The following ITGAL variants were observed in gnomAD, a reference collection of about 807,000 sequenced individuals.
ITGAL encodes integrin subunit alpha L, also known as integrin alpha-L.
ITGAL carries 68 observed loss-of-function variants against 138.4 expected under a neutral mutation model. The observed-to-expected ratio is 0.49, with a 90% CI of 0.40 to 0.60. ITGAL has a LOEUF of 0.60. Among genes scored for constraint, ITGAL ranks in the 20% least tolerant of loss-of-function variants. ITGAL has a pLI of 0.00. For synonymous variants in ITGAL, 561 were observed against 584.3 expected (o/e 0.96, Z 0.57); for missense variants, 1,256 against 1,478.6 (o/e 0.85, Z 2.47).
intron 7 of ITGAL, among the ~76,000 whole-genome samples, chr16:30,482,232 C>A (rs977075034): frequency 3.9e-5 from 6 of 152,036 alleles, no homozygotes; most frequent in Non-Finnish European, 8.8e-5. Flanking sequence ...GAGCTATGAT[C>A]ACACCATTGC....
rs906274297 is a variant in ITGAL, at chr16:30,521,365, C to T, written c.3340-127C>T. On this transcript the variant is annotated intron_variant, in intron 30 of 30. Transcript: ENST00000356798. ...GAGGTTGCAGTGAGCCGAGATCGCA[C>T]CACTGCACTCCAGCCTGGGCAACAC... 1.7e-4 allele frequency: 126 copies of T among 728,958 alleles called. 2 individuals carry two copies. The highest frequency in any genetic ancestry group is 3.3e-5 in the Non-Finnish European group (15 of 451,732). The allele number at this position is 728,958 out of a possible 1,614,324, so 45.2% of individuals were successfully genotyped here. A position where few individuals can be genotyped will look rare whatever the true frequency, so the allele number is the denominator to read the frequency against.
At chr16:30,521,463 T>C in intron 30 of ITGAL, 29 bp from the exon 31 acceptor site, 1 of 1,599,762 alleles carries the variant, frequency 6.3e-7, no homozygotes, top group Non-Finnish European at 8.5e-7. Context: ...AGTGAATTCT[T>C]TGCTCGTTCA....
intron 7 of ITGAL, chr16:30,483,343 G>C (rs2050586739): frequency 1.3e-5 from 2 of 153,566 alleles, no homozygotes; most frequent in African/African-American, 2.4e-5. Flanking sequence ...TAATTCACTA[G>C]GTTCACTGCT....
chr16:30,501,957 CA>C (rs2050906139), intron 17 of ITGAL, among the ~76,000 whole-genome samples: 1 of 151,930 alleles, frequency 6.6e-6, no homozygotes, highest in African/African-American at 2.4e-5. Context: ...TGCTTGAACC[CA>C]GGAGGTGGAG....
In ITGAL at chr16:30,494,964, C is replaced by T. The variant is rs1023160295; in HGVS notation, c.1503+114C>T. ...TCACGTGGCGATCAAACTTTTAGAA[C>T]GACAGAGAGGCAATAGCAAATCCTC... On this transcript the variant is annotated intron_variant, in intron 13 of 30. Coordinates refer to ENST00000356798, the MANE Select transcript of ITGAL (RefSeq NM_002209.3). This position sits in a 1 kb window ranked among gnomAD's most constrained non-coding sequence, Gnocchi z 4.2. The T allele has an allele frequency of 1.9e-5, 22 of 1,161,740 alleles. No homozygotes were observed. Among genetic ancestry groups the T allele is most frequent in the South Asian group, 1.0e-4 (6 of 59,050 alleles). 72.0% of individuals were successfully genotyped at this position (1,161,740 alleles called of 1,614,324 possible). A position where few individuals can be genotyped will look rare whatever the true frequency, so the allele number is the denominator to read the frequency against.
chr16:30,481,015 T>A, intron 6 of ITGAL: 1 of 172,940 alleles, frequency 5.8e-6, no homozygotes, highest in Non-Finnish European at 1.2e-5. Flanking sequence ...AGAAGTAGAG[T>A]TTGGGGCTGG....
At chr16:30,507,689 G>T (rs1374321693) in intron 21 of ITGAL, among the ~76,000 whole-genome samples, 1 of 151,532 alleles carries the variant, frequency 6.6e-6, no homozygotes, top group Non-Finnish European at 1.5e-5. Flanking sequence ...GTCTCACTAT[G>T]TTCCCCAGGC....
At position 30,475,522 on chromosome 16, in the gene ITGAL, A is replaced by G; in HGVS notation, c.269A>G (p.Tyr90Cys). The change falls in exon 4 of 31, where the codon TAT (tyrosine) becomes TGT (cysteine). Residue 90 changes from tyrosine (Y) to cysteine (C), a missense_variant. Physicochemically the swap from Tyr to Cys is radical, Grantham distance 194. Around this residue, in one of 3 missense-constraint regions of ITGAL, gnomAD observed 212 missense variants for 217.4 expected, o/e 0.98. Transcript: ENST00000356798. Reference protein sequence around the residue: ...CLPVTLRGSNYTSKYLGMTLA... With the variant: ...CLPVTLRGSNCTSKYLGMTLA... ...CTTCTGGTGCCTACAGGTTCCAACT[A>G]TACCTCCAAGTACTTGGGAATGACC... The G allele has an allele frequency of 6.2e-7, 1 of 1,613,966 alleles. No homozygotes were observed.
chr16:30,476,890 T>C (rs2050479870), intron 4 of ITGAL, among the ~76,000 whole-genome samples: 1 of 152,162 alleles, frequency 6.6e-6, no homozygotes, highest in South Asian at 2.1e-4. Flanking sequence ...CGCCTCGGCC[T>C]CCCAAAATGC....
chr16:30,493,764 C>T (rs368828192), intron 11 of ITGAL, among the ~76,000 whole-genome samples: 18 of 152,020 alleles, frequency 1.2e-4, no homozygotes, highest in African/African-American at 2.4e-4. Context: ...GGTGGCTGGG[C>T]GCCTGTAATC....
chr16:30,483,436 C>T (rs970225686), intron 7 of ITGAL, among the ~76,000 whole-genome samples: 4 of 152,158 alleles, frequency 2.6e-5, no homozygotes, highest in Admixed American at 6.6e-5. Flanking sequence ...GAGTGACTCC[C>T]CAGTTTTCTT....
At chr16:30,506,028 G>A (rs1464625675) in intron 20 of ITGAL, among the ~76,000 whole-genome samples, 1 of 152,258 alleles carries the variant, frequency 6.6e-6, no homozygotes, top group Non-Finnish European at 1.5e-5. Flanking sequence ...GGGAGGCCAA[G>A]GCGGGCAGAT....
At chr16:30,507,385 A>G (rs1214219209) in intron 21 of ITGAL, among the ~76,000 whole-genome samples, 1 of 146,230 alleles carries the variant, frequency 6.8e-6, no homozygotes. Flanking sequence ...CATGAACCCC[A>G]GGGGGCGGAG....
In ITGAL at chr16:30,496,313, C is replaced by T. The variant is rs768998499; in HGVS notation, c.1701+19C>T. On this transcript the variant is annotated intron_variant, in intron 14 of 30. Transcript: ENST00000356798. ...AAGTCAGGTGACGTATGCTGCCTGC[C>T]AATCACACTCCATTCTCAGGTGCCC... is the stretch of plus-strand genomic sequence containing the variant. 6.2e-7 allele frequency: 1 copy of T among 1,601,056 alleles called. No homozygotes were observed. The highest frequency in any genetic ancestry group is 8.5e-7 in the Non-Finnish European group (1 of 1,171,874).
chr16:30,478,165 C>A (rs945985411), intron 4 of ITGAL, among the ~76,000 whole-genome samples: 1 of 150,914 alleles, frequency 6.6e-6, no homozygotes, highest in African/African-American at 2.4e-5. Context: ...GAAACCCCGT[C>A]TCTACTAAAA....
chr16:30,498,102 G>A (rs892371552), intron 15 of ITGAL, among the ~76,000 whole-genome samples: 12 of 151,658 alleles, frequency 7.9e-5, no homozygotes, highest in Admixed American at 4.0e-4. Flanking sequence ...TGGGAGGCAC[G>A]GGGGGCTTAG....
At chr16:30,511,872 G>A (rs1394794220) in intron 24 of ITGAL, among the ~76,000 whole-genome samples, 1 of 152,168 alleles carries the variant, frequency 6.6e-6, no homozygotes, top group Non-Finnish European at 1.5e-5. Context: ...TGGGAGGAAA[G>A]GCAGGTTTAT....
At chr16:30,518,388 G>A (rs1307894852) in intron 28 of ITGAL, among the ~76,000 whole-genome samples, 10 of 151,508 alleles carry the variant, frequency 6.6e-5, no homozygotes, top group Admixed American at 1.3e-4. Context: ...GGCAGAGGTT[G>A]CAGTGAGCCA....
intron 18 of ITGAL, 192 bp from the exon 19 acceptor site, chr16:30,505,052 T>C: frequency 2.4e-6 from 1 of 411,246 alleles, no homozygotes; most frequent in Non-Finnish European, 4.3e-6. Context: ...GCCAGCAGAG[T>C]AAGACTGCAC....
Sources: gnomAD v4.1 joint callset for allele counts (sites outside exome capture counted in the v4.1 genomes callset) on GRCh38, gnomAD v4.1.1 for gene constraint, gnomAD v4.1.1 regional missense constraint, Gnocchi (gnomAD v3.1) non-coding constraint, MANE v1.5 for transcripts, NCBI Gene and HGNC (gene_info 2026-07-23, HGNC 2026-07-21) for gene names.